The following SART1 variants were observed in gnomAD, a reference collection of about 807,000 sequenced individuals.
SART1 encodes U4/U6.U5 tri-snRNP-associated protein 1.
Under a neutral mutation model 105.0 loss-of-function variants are expected in SART1, and 28 were observed. The ratio of observed to expected loss-of-function variants is 0.27; its 90% CI spans 0.20 to 0.37. SART1 has a LOEUF of 0.37. Ranked by LOEUF, SART1 falls within the 10% of genes least tolerant of loss-of-function variation. The pLI is 1.00. For synonymous variants in SART1, 472 were observed against 462.9 expected (o/e 1.02, Z -0.25); for missense variants, 894 against 1,106.5 (o/e 0.81, Z 2.72).
Position 65,979,120 on chromosome 11 carries a change from C to T in SART1, c.*90C>T. 6.5e-7 allele frequency: 1 copy of T among 1,549,520 alleles called. No individual in the cohort carries two copies. Among genetic ancestry groups the T allele is most frequent in the Non-Finnish European group, 8.8e-7 (1 of 1,131,544 alleles). ...TCCTCCCTGGTCGTGGTACAGATTC[C>T]AGGGTTGGATCTTTGGTTGGGTGTG... On this transcript the variant is annotated 3_prime_UTR_variant, in exon 20 of 20. Coordinates refer to ENST00000312397, the MANE Select transcript of SART1 (RefSeq NM_005146.5).
At chr11:65,967,865 G>C (rs954372186) in intron 12 of SART1, 44 bp downstream of exon 12, 17 of 1,434,480 alleles carry the variant, frequency 1.2e-5, no homozygotes, top group Middle Eastern at 2.6e-4. Context: ...GCAGTCACCT[G>C]TCCTCACGAG....
intron 3 of SART1, 108 bp from the exon 4 acceptor site, chr11:65,964,984 C>T: frequency 7.2e-7 from 1 of 1,391,154 alleles, no homozygotes. Context: ...TCCTTCCTGT[C>T]CTGACCCCTT....
intron 9 of SART1, 21 bp downstream of exon 9, chr11:65,966,577 T>C: frequency 6.8e-7 from 1 of 1,478,484 alleles, no homozygotes; most frequent in Non-Finnish European, 8.9e-7. Context: ...CCGTGCCTTA[T>C]ACTCGGGGTC....
Position 65,979,290 on chromosome 11 carries a change from C to T in SART1, c.*260C>T. ...GTCACACCTCTGCAGGGCCGGCTCT[C>T]TGATAGAAAGTGGAAGGCGGTTTTA... On this transcript the variant is annotated 3_prime_UTR_variant, in exon 20 of 20. Transcript: ENST00000312397. 1 of 591,354 alleles carries T rather than the reference C, an allele frequency of 1.7e-6. No homozygotes were observed. Among genetic ancestry groups the T allele is most frequent in the South Asian group, 2.1e-5 (1 of 48,360 alleles). The allele number at this position is 591,354 out of a possible 1,614,324, so 36.6% of individuals were successfully genotyped here.
At position 65,976,825 on chromosome 11, in the gene SART1, C is replaced by A; in HGVS notation, c.1857+59C>A. ...GGGGTGCTCAAGCTGGAGATGAGCA[C>A]CGGGCTCGGTGTCCAGAGCCTCAGC... On this transcript the variant is annotated intron_variant, in intron 14 of 19. Transcript: ENST00000312397. This position sits in a 1 kb window ranked among gnomAD's most constrained non-coding sequence, Gnocchi z 5.1. 1 of 1,419,536 alleles carries A rather than the reference C, an allele frequency of 7.0e-7. No homozygotes were observed. The highest frequency in any genetic ancestry group is 9.7e-7 in the Non-Finnish European group (1 of 1,030,756). The allele number at this position is 1,419,536 out of a possible 1,614,324, so 87.9% of individuals were successfully genotyped here.
chr11:65,965,586 C>G, intron 5 of SART1, 116 bp from the exon 6 acceptor site: 1 of 1,321,312 alleles, frequency 7.6e-7, no homozygotes. Flanking sequence ...ACTTTGGATT[C>G]TCAGCAGCTT....
chr11:65,967,647 G>T, intron 11 of SART1, 32 bp from the exon 12 acceptor site: 1 of 1,590,716 alleles, frequency 6.3e-7, no homozygotes, highest in South Asian at 1.1e-5. Flanking sequence ...GGAGGAGATG[G>T]TCTGAGCAGG....
rs1565319357 is a variant in SART1 at position 65,978,699 on chromosome 11, C to T, written c.2262+10C>T. On this transcript the variant is annotated intron_variant, in intron 18 of 19. Coordinates refer to ENST00000312397, the MANE Select transcript of SART1 (RefSeq NM_005146.5). The surrounding 1 kb of genome is among the most constrained non-coding windows in gnomAD (Gnocchi z 6.8). Reference sequence around the variant, plus strand: ...GCTGGACGAGGAGGCGGTGGGTGCCCTTGGGGATGTGGGGGGCCCTGTGCC... The same window carrying T: ...GCTGGACGAGGAGGCGGTGGGTGCCTTTGGGGATGTGGGGGGCCCTGTGCC... 1 of 1,612,796 alleles carries T rather than the reference C, an allele frequency of 6.2e-7. No individual in the cohort carries two copies. Among genetic ancestry groups the T allele is most frequent in the Admixed American group, 1.7e-5 (1 of 59,758 alleles).
chr11:65,967,839 C>T lies in SART1; in HGVS notation c.1572+18C>T. 2 of 1,495,054 alleles carry T rather than the reference C, an allele frequency of 1.3e-6. No homozygotes were observed. The highest frequency in any genetic ancestry group is 1.8e-6 in the Non-Finnish European group (2 of 1,120,016). 92.6% of individuals were successfully genotyped at this position (1,495,054 alleles called of 1,614,324 possible). ...GCGAGAAGGTGAGGCTGGGCATGGG[C>T]AGGGTGACTGCGTCAGCAGTCACCT... On this transcript the variant is annotated intron_variant, in intron 12 of 19. Transcript: ENST00000312397.
Position 65,968,444 on chromosome 11 carries a change from T to C in SART1, c.1572+623T>C, listed in dbSNP as rs545003847. Among the ~76,000 whole-genome samples, 21 of 151,558 alleles carry C rather than the reference T, an allele frequency of 1.4e-4. No homozygotes were observed. The South Asian group carries it at 4.2e-3, about 30-fold the overall frequency. ...GGCTCATGGAGCTGGCTTTCTAGAG[T>C]GTGTGGGGGAGAGCGTGGGGAGCAG... On this transcript the variant is annotated intron_variant, in intron 12 of 19. Coordinates refer to ENST00000312397, the MANE Select transcript of SART1 (RefSeq NM_005146.5).
intron 12 of SART1, among the ~76,000 whole-genome samples, chr11:65,975,322 C>G (rs1855459443): frequency 6.6e-6 from 1 of 151,626 alleles, no homozygotes; most frequent in Middle Eastern, 3.4e-3. Context: ...AGGCTGGTCT[C>G]GAACTCCTGG....
chr11:65,975,718 A>G (rs1041999028), intron 12 of SART1, among the ~76,000 whole-genome samples: 1 of 152,170 alleles, frequency 6.6e-6, no homozygotes, highest in African/African-American at 2.4e-5. Context: ...AGAAGTGGAC[A>G]TAGTGACTCG....
Position 65,961,758 on chromosome 11 carries a change from G to A in SART1, c.-23G>A, listed in dbSNP as rs1855146163. On this transcript the variant is annotated 5_prime_UTR_variant, in exon 1 of 20. Coordinates refer to ENST00000312397, the MANE Select transcript of SART1 (RefSeq NM_005146.5). ...GCGTTGTCTGGGCTCGGCGGCAGCC[G>A]GGCTCGGAGTGGACGTGCCACTATG... 1 of 1,470,892 alleles carries A rather than the reference G, an allele frequency of 6.8e-7. No individual in the cohort carries two copies. Among genetic ancestry groups the A allele is most frequent in the Admixed American group, 2.7e-5 (1 of 36,458 alleles). 91.1% of individuals were successfully genotyped at this position (1,470,892 alleles called of 1,614,324 possible). A position where few individuals can be genotyped will look rare whatever the true frequency, so the allele number is the denominator to read the frequency against.
rs1338983942 is a variant in SART1, at chr11:65,977,771, G to A, written c.2044G>A (p.Asp682Asn). 1.2e-6 allele frequency: 2 copies of A among 1,614,022 alleles called. No individual in the cohort carries two copies. Among genetic ancestry groups the A allele is most frequent in the Non-Finnish European group, 1.7e-6 (2 of 1,180,008 alleles). Residue 682 changes from aspartate (D) to asparagine (N), a missense_variant, in exon 17 of 20, where the codon GAT (aspartate) becomes AAT (asparagine). By Grantham distance (23) the Asp-to-Asn change is conservative. Coordinates refer to ENST00000312397, the MANE Select transcript of SART1 (RefSeq NM_005146.5). ...TCCTCTGTCTCGGGCCAGGGCCATC[G>A]ATGACAAGTACAGCCGGAGGGAGGA... ...VYCIEDKMAI[D>N]DKYSRREEYR...
intron 1 of SART1, among the ~76,000 whole-genome samples, chr11:65,962,727 G>T (rs1000886850): frequency 6.6e-6 from 1 of 152,212 alleles, no homozygotes; most frequent in Non-Finnish European, 1.5e-5. Context: ...GTCAGGACTG[G>T]AGACCAGGAA....
At chr11:65,964,978 T>C in intron 3 of SART1, 114 bp from the exon 4 acceptor site, 2 of 1,347,794 alleles carry the variant, frequency 1.5e-6, no homozygotes, top group Non-Finnish European at 2.0e-6. Flanking sequence ...GATTGTTCCT[T>C]CCTGTCCTGA....
chr11:65,966,596 CCCT>C, intron 9 of SART1, 40 bp downstream of exon 9: 1 of 1,451,188 alleles, frequency 6.9e-7, no homozygotes, highest in Non-Finnish European at 9.1e-7. Flanking sequence ...TCAAGATTCT[CCCT>C]CCCTCTGGGG....
At position 65,965,891 on chromosome 11, in the gene SART1, T is replaced by C. The variant is rs780893385; in HGVS notation, c.743T>C (p.Leu248Pro). ...EEEFGQRRQD[L>P]YSARDLQGLT... is the part of the protein sequence containing the mutation. ...ACTCGCCGATTCTTCCCTTAGGACC[T>C]GTACAGTGCCCGGGACCTGCAGGGC... is the stretch of plus-strand genomic sequence containing the variant. Residue 248 changes from leucine (L) to proline (P), a missense_variant, in exon 7 of 20, where the codon CTG (leucine) becomes CCG (proline). This residue lies in a region of SART1 where 712 missense variants were observed against 778.2 expected (regional missense o/e 0.91). Coordinates refer to ENST00000312397, the MANE Select transcript of SART1 (RefSeq NM_005146.5). The C allele has an allele frequency of 1.2e-6, 2 of 1,614,114 alleles. No homozygotes were observed. Among genetic ancestry groups the C allele is most frequent in the Admixed American group, 3.3e-5 (2 of 60,020 alleles).
At chr11:65,974,192 C>T (rs1275901622) in intron 12 of SART1, among the ~76,000 whole-genome samples, 8 of 123,044 alleles carry the variant, frequency 6.5e-5, no homozygotes, top group Admixed American at 2.6e-4. Flanking sequence ...GAAACCCCCT[C>T]TCTACTAAAA....
Sources: allele counts gnomAD v4.1 joint callset (sites outside exome capture counted in the v4.1 genomes callset), GRCh38; gene constraint gnomAD v4.1.1; regional missense constraint gnomAD v4.1.1; non-coding constraint Gnocchi (gnomAD v3.1); transcripts MANE v1.5; gene names NCBI Gene and HGNC (gene_info 2026-07-23, HGNC 2026-07-21).